The following TAFA1 variants were observed in gnomAD, a reference collection of about 807,000 sequenced individuals.
TAFA1 encodes chemokine-like protein TAFA-1.
TAFA1 carries 4 observed loss-of-function variants against 18.5 expected under a neutral mutation model. The observed-to-expected ratio is 0.22, with a 90% CI of 0.11 to 0.49. The LOEUF is 0.49. Among genes scored for constraint, TAFA1 ranks in the 20% least tolerant of loss-of-function variants. The pLI is 0.98. For synonymous variants in TAFA1, 56 were observed against 55.2 expected, an observed-to-expected ratio of 1.01 and a Z score of -0.06; for missense variants, 147 against 169.0, an observed-to-expected ratio of 0.87 and a Z score of 0.72.
the TAFA1 span, among the ~76,000 whole-genome samples, chr3:67,998,842 G>A: frequency 3.9e-5 from 6 of 152,162 alleles, no homozygotes; most frequent in Non-Finnish European, 7.4e-5. Flanking sequence ...CAACCCATAG[G>A]AAACCATACA....
chr3:68,444,771 A>AATATATATATATAT (rs55684696), intron 3 of TAFA1, among the ~76,000 whole-genome samples: 147 of 127,224 alleles, frequency 1.2e-3, no homozygotes, highest in Non-Finnish European at 1.9e-3. Flanking sequence ...GTTTCTACAA[A>AATATATATATATAT]ATATATATAT....
intron 3 of TAFA1, among the ~76,000 whole-genome samples, chr3:68,529,435 C>T (rs2073155718): frequency 2.0e-5 from 1 of 49,870 alleles, no homozygotes; most frequent in African/African-American, 8.6e-5. Context: ...TCACCATTCT[C>T]TAAAAAAAAA....
intron 2 of TAFA1, among the ~76,000 whole-genome samples, chr3:68,293,130 G>GTGTC (rs1364454918): frequency 1.3e-5 from 2 of 152,084 alleles, no homozygotes; most frequent in Admixed American, 6.5e-5. Flanking sequence ...TAAACCAAAG[G>GTGTC]TGTCTAACCC....
intron 3 of TAFA1, among the ~76,000 whole-genome samples, chr3:68,531,750 C>T (rs1051369364): frequency 6.6e-6 from 1 of 151,994 alleles, no homozygotes; most frequent in African/African-American, 2.4e-5. Flanking sequence ...TGGTTGTGAC[C>T]AATTATTATT....
chr3:68,010,994 T>A (rs921385279), intron 2 of TAFA1, among the ~76,000 whole-genome samples: 1 of 152,122 alleles, frequency 6.6e-6, no homozygotes, highest in Admixed American at 6.5e-5. Context: ...CAGGTTTTTT[T>A]GTGTAACAGG....
chr3:68,059,934 G>T (rs760041962), intron 2 of TAFA1, among the ~76,000 whole-genome samples: 16 of 152,022 alleles, frequency 1.1e-4, no homozygotes, highest in African/African-American at 3.6e-4. Flanking sequence ...GGGAGCCCCC[G>T]CAGGCTTGTT....
chr3:68,495,061 C>A (rs1414936876), intron 3 of TAFA1, among the ~76,000 whole-genome samples: 2 of 152,292 alleles, frequency 1.3e-5, no homozygotes, highest in East Asian at 3.9e-4. Context: ...TGACCTCTAA[C>A]CAATACAACA....
chr3:68,524,576 T>G (rs1270685811), intron 3 of TAFA1, among the ~76,000 whole-genome samples: 1 of 152,194 alleles, frequency 6.6e-6, no homozygotes, highest in Non-Finnish European at 1.5e-5. Flanking sequence ...AAGTAAGGTT[T>G]TAAGCTACCA....
chr3:68,220,037 T>A (rs2066710663), intron 2 of TAFA1, among the ~76,000 whole-genome samples: 1 of 152,202 alleles, frequency 6.6e-6, no homozygotes, highest in Non-Finnish European at 1.5e-5. Flanking sequence ...TTTAATATGA[T>A]AAATTGGTTT....
At chr3:68,323,292 C>A (rs2068722326) in intron 2 of TAFA1, among the ~76,000 whole-genome samples, 1 of 152,154 alleles carries the variant, frequency 6.6e-6, no homozygotes, top group Non-Finnish European at 1.5e-5. Context: ...CTGCCACCTG[C>A]AGACCTACCC....
At chr3:68,323,040 T>C (rs1261416002) in intron 2 of TAFA1, among the ~76,000 whole-genome samples, 1 of 152,198 alleles carries the variant, frequency 6.6e-6, no homozygotes, top group Non-Finnish European at 1.5e-5. Flanking sequence ...TGGTCAATAA[T>C]CATAATCACA....
intron 2 of TAFA1, among the ~76,000 whole-genome samples, chr3:68,022,677 G>T (rs1316027507): frequency 6.6e-6 from 1 of 151,678 alleles, no homozygotes; most frequent in East Asian, 1.9e-4. Context: ...GAGAAAATCA[G>T]AAGAATACAA....
chr3:68,059,453 C>T (rs1029457886), intron 2 of TAFA1, among the ~76,000 whole-genome samples: 1 of 152,150 alleles, frequency 6.6e-6, no homozygotes, highest in African/African-American at 2.4e-5. Flanking sequence ...GCTCAGGGAG[C>T]CAGGCTGCAC....
chr3:68,253,643 G>A (rs1301586677), intron 2 of TAFA1, among the ~76,000 whole-genome samples: 1 of 152,146 alleles, frequency 6.6e-6, no homozygotes, highest in Admixed American at 6.6e-5. Context: ...ATTGGGTTAT[G>A]TTTCAACTTT....
chr3:68,269,988 A>G (rs1388486), intron 2 of TAFA1, among the ~76,000 whole-genome samples: 1 of 152,096 alleles, frequency 6.6e-6, no homozygotes, highest in African/African-American at 2.4e-5. Flanking sequence ...TTGGTGAAAC[A>G]ATTTCTATGC....
chr3:68,241,925 G>A (rs1318862819), intron 2 of TAFA1, among the ~76,000 whole-genome samples: 1 of 152,166 alleles, frequency 6.6e-6, no homozygotes, highest in Non-Finnish European at 1.5e-5. Context: ...TTGAAGTTTT[G>A]CAAATTATCT....
At chr3:68,408,526 G>T (rs1224083701) in intron 2 of TAFA1, among the ~76,000 whole-genome samples, 1 of 152,078 alleles carries the variant, frequency 6.6e-6, no homozygotes, top group Admixed American at 6.6e-5. Context: ...TCCCGAAAAA[G>T]GATTAATTTA....
intron 3 of TAFA1, among the ~76,000 whole-genome samples, chr3:68,423,086 A>G (rs1324632204): frequency 6.6e-6 from 1 of 152,200 alleles, no homozygotes; most frequent in African/African-American, 2.4e-5. Context: ...TGGAGGGCTT[A>G]TGAAGTTACG....
chr3:68,276,481 T>A (rs2067800270), intron 2 of TAFA1, among the ~76,000 whole-genome samples: 1 of 152,162 alleles, frequency 6.6e-6, no homozygotes, highest in Non-Finnish European at 1.5e-5. Context: ...CAGAAGTTGT[T>A]GTGCCACCCA....
Sources: gnomAD v4.1 joint callset for allele counts (sites outside exome capture counted in the v4.1 genomes callset) on GRCh38, gnomAD v4.1.1 for gene constraint, MANE v1.5 for transcripts, NCBI Gene and HGNC (gene_info 2026-07-23, HGNC 2026-07-21) for gene names.